The following TBC1D1 variants were observed in gnomAD, a reference collection of about 807,000 sequenced individuals.
The protein encoded by TBC1D1 is TBC1 domain family member 1, also known as TBC1 (tre-2/USP6, BUB2, cdc16) domain family, member 1.
In TBC1D1, 89 loss-of-function variants were observed where a neutral mutation model predicts 125.6. The ratio of observed to expected loss-of-function variants is 0.71; its 90% CI spans 0.60 to 0.85. The LOEUF is 0.85. Among genes scored for constraint, TBC1D1 ranks in the 40% least tolerant of loss-of-function variants. The pLI, the probability that TBC1D1 is intolerant of heterozygous loss-of-function variation, is 0.00. For missense variants in TBC1D1, 1,377 were observed against 1,469.2 expected, an observed-to-expected ratio of 0.94 and a Z score of 1.03; for synonymous variants, 565 against 564.1, an observed-to-expected ratio of 1.00 and a Z score of -0.02.
intron 18 of TBC1D1, among the ~76,000 whole-genome samples, chr4:38,132,153 C>T (rs1326788238): frequency 6.6e-6 from 1 of 151,280 alleles, no homozygotes; most frequent in Non-Finnish European, 1.5e-5. Context: ...AGCCTGACTT[C>T]ACTTTCTGAA....
chr4:38,077,639 T>C (rs1038386738), intron 12 of TBC1D1, among the ~76,000 whole-genome samples: 8 of 151,860 alleles, frequency 5.3e-5, no homozygotes, highest in African/African-American at 1.9e-4. Flanking sequence ...AATTTTTTTT[T>C]TTTTTTTTTG....
intron 3 of TBC1D1, among the ~76,000 whole-genome samples, chr4:38,017,535 A>C (rs1008898739): frequency 1.3e-5 from 2 of 152,202 alleles, no homozygotes; most frequent in African/African-American, 2.4e-5. Flanking sequence ...CATTGAGAGT[A>C]TAATTCCCCT....
At chr4:37,947,297 C>T (rs868717700) in intron 2 of TBC1D1, among the ~76,000 whole-genome samples, 9 of 152,268 alleles carry the variant, frequency 5.9e-5, no homozygotes, top group South Asian at 2.1e-4. Flanking sequence ...GCTGGGACTA[C>T]AGGCGTGCGC....
At position 37,997,417 on chromosome 4, in the gene TBC1D1, A is replaced by G. The variant is rs527630161; in HGVS notation, c.418-17092A>G. Among the ~76,000 whole-genome samples, 202 of 152,292 alleles carry G rather than the reference A, an allele frequency of 1.3e-3. 2 individuals are homozygous for G. Among genetic ancestry groups the G allele is most frequent in the East Asian group, 1.9e-3 (10 of 5,190 alleles). ...CGTGAAGCATTTGGGGGCACTTAGA[A>G]CTGTATGCCGTTTCACTTGTACATT... On this transcript the variant is annotated intron_variant, in intron 2 of 19. Coordinates refer to ENST00000261439, the MANE Select transcript of TBC1D1 (RefSeq NM_015173.4).
chr4:38,043,463 G>C (rs1191204735), intron 8 of TBC1D1, among the ~76,000 whole-genome samples: 2 of 151,620 alleles, frequency 1.3e-5, no homozygotes, highest in Admixed American at 1.3e-4. Flanking sequence ...GCTGTGTGTA[G>C]TCCCAGCTAC....
chr4:37,971,463 A>G (rs993270018), intron 2 of TBC1D1, among the ~76,000 whole-genome samples: 2 of 152,160 alleles, frequency 1.3e-5, no homozygotes, highest in African/African-American at 4.8e-5. Context: ...ATCAGATCTC[A>G]TGAGACTCAT....
At chr4:38,095,168 A>C (rs1759119398) in intron 13 of TBC1D1, among the ~76,000 whole-genome samples, 1 of 152,212 alleles carries the variant, frequency 6.6e-6, no homozygotes, top group Non-Finnish European at 1.5e-5. Context: ...CTGGGCTTAG[A>C]GTCACTTGGC....
At chr4:38,079,552 T>A (rs1047130920) in intron 12 of TBC1D1, among the ~76,000 whole-genome samples, 2 of 151,678 alleles carry the variant, frequency 1.3e-5, no homozygotes, top group African/African-American at 2.4e-5. Flanking sequence ...TGGTGAAACC[T>A]CATCTCTACT....
intron 2 of TBC1D1, chr4:37,952,085 T>C: frequency 1.4e-6 from 1 of 717,360 alleles, no homozygotes; most frequent in East Asian, 2.7e-5. Context: ...AAAGCAACAG[T>C]GAACCACCAG....
In TBC1D1 at chr4:38,103,195, T is replaced by G. The variant is rs78066099; in HGVS notation, c.2557+38T>G. ...CATCGATTGGAGATGACAATGGAAG[T>G]TTCACTCACATGAAAAATCTGAAGA... On this transcript the variant is annotated intron_variant, in intron 15 of 19. Coordinates refer to ENST00000261439, the MANE Select transcript of TBC1D1 (RefSeq NM_015173.4). 2.2e-3 allele frequency: 3,428 copies of G among 1,574,928 alleles called. 69 individuals carry two copies. The African/African-American group carries it at 0.043, about 20-fold the overall frequency.
chr4:38,136,302 C>T (rs1247887779), intron 19 of TBC1D1, among the ~76,000 whole-genome samples: 1 of 152,182 alleles, frequency 6.6e-6, no homozygotes, highest in Non-Finnish European at 1.5e-5. Flanking sequence ...GTGAGATCCT[C>T]ATTCCTCCTC....
intron 2 of TBC1D1, among the ~76,000 whole-genome samples, chr4:37,992,637 G>C (rs530861321): frequency 6.0e-5 from 9 of 151,138 alleles, no homozygotes; most frequent in Non-Finnish European, 1.3e-4. Context: ...TGGGACTACA[G>C]GTGCCTGTCA....
chr4:38,110,115 C>A, intron 15 of TBC1D1: 1 of 777,412 alleles, frequency 1.3e-6, no homozygotes, highest in Non-Finnish European at 1.6e-6. Context: ...GACCTCTGGC[C>A]TCTTGTAGCA....
At chr4:38,108,385 A>G (rs1024542639) in intron 15 of TBC1D1, among the ~76,000 whole-genome samples, 1 of 152,260 alleles carries the variant, frequency 6.6e-6, no homozygotes, top group Admixed American at 6.5e-5. Flanking sequence ...CCAGAAACCC[A>G]GGAGCACCAT....
intron 2 of TBC1D1, among the ~76,000 whole-genome samples, chr4:37,924,658 A>C (rs1301451418): frequency 6.6e-6 from 1 of 152,198 alleles, no homozygotes; most frequent in African/African-American, 2.4e-5. Context: ...ATTTCACTTA[A>C]CATAATATTT....
At chr4:38,012,427 A>G (rs551184038) in intron 2 of TBC1D1, among the ~76,000 whole-genome samples, 1 of 152,098 alleles carries the variant, frequency 6.6e-6, no homozygotes, top group East Asian at 1.9e-4. Flanking sequence ...GGCGCACACC[A>G]CCTTGGCTGG....
chr4:38,041,663 CAAAAAT>C (rs1356239310), intron 8 of TBC1D1, among the ~76,000 whole-genome samples: 1 of 152,152 alleles, frequency 6.6e-6, no homozygotes, highest in Non-Finnish European at 1.5e-5. Context: ...GAATAAATCT[CAAAAAT>C]AATATTGAAA....
chr4:38,039,792 T>C (rs1490092112), intron 8 of TBC1D1, among the ~76,000 whole-genome samples: 1 of 152,142 alleles, frequency 6.6e-6, no homozygotes, highest in African/African-American at 2.4e-5. Flanking sequence ...GCAATAGAAT[T>C]CACTGTGGAG....
chr4:38,067,118 G>T (rs930607234), intron 12 of TBC1D1, among the ~76,000 whole-genome samples: 1 of 151,910 alleles, frequency 6.6e-6, no homozygotes, highest in Non-Finnish European at 1.5e-5. Flanking sequence ...TTTGTGATCT[G>T]CCCGCCTCGG....
Sources: allele counts gnomAD v4.1 joint callset (sites outside exome capture counted in the v4.1 genomes callset), GRCh38; gene constraint gnomAD v4.1.1; transcripts MANE v1.5; gene names NCBI Gene and HGNC (gene_info 2026-07-23, HGNC 2026-07-21).